Variants in MRC1 observed in about 807,000 individuals in gnomAD.
MRC1 encodes the protein mannose receptor C-type 1.
MRC1 carries 62 observed loss-of-function variants against 102.9 expected under a neutral mutation model. That is an observed-to-expected ratio of 0.60 (90% CI 0.49 to 0.74). The LOEUF (loss-of-function observed/expected upper bound fraction) is 0.74, where lower values mean the gene tolerates loss of function less well. Among genes scored for constraint, MRC1 ranks in the 30% least tolerant of loss-of-function variants. The pLI is 0.00. For synonymous variants in MRC1, 457 were observed against 298.4 expected (o/e 1.53, Z -5.48); for missense variants, 1,237 against 862.8 (o/e 1.43, Z -5.43).
chr10:17,837,184 C>T (rs1838679260), intron 4 of MRC1, among the ~76,000 whole-genome samples: 2 of 152,232 alleles, frequency 1.3e-5, no homozygotes, highest in African/African-American at 4.8e-5. Context: ...CCAGGAGATC[C>T]AGAGGCTGGG....
At chr10:17,830,967 C>T (rs1036291220) in intron 3 of MRC1, among the ~76,000 whole-genome samples, 46 of 151,018 alleles carry the variant, frequency 3.0e-4, no homozygotes, top group Non-Finnish European at 5.6e-4. Context: ...CGGCTCACTG[C>T]AACCTCTGCC....
intron 1 of MRC1, among the ~76,000 whole-genome samples, chr10:17,812,783 G>C (rs918407534): frequency 5.9e-5 from 9 of 151,998 alleles, no homozygotes; most frequent in Non-Finnish European, 1.3e-4. Flanking sequence ...ATGTTGGCCA[G>C]GCTGGTCTTG....
intron 1 of MRC1, among the ~76,000 whole-genome samples, chr10:17,820,232 C>G (rs1193728550): frequency 2.6e-5 from 4 of 152,140 alleles, no homozygotes; most frequent in Non-Finnish European, 5.9e-5. Flanking sequence ...AAATTAACCA[C>G]TGCAGTGTAT....
chr10:17,834,575 G>T (rs1838634465), intron 4 of MRC1, among the ~76,000 whole-genome samples: 1 of 152,218 alleles, frequency 6.6e-6, no homozygotes, highest in Non-Finnish European at 1.5e-5. Flanking sequence ...ACCATGCCCA[G>T]CTAATTTTTT....
chr10:17,878,108 G>T (rs3736955), intron 18 of MRC1, 141 bp downstream of exon 18: 10 of 617,060 alleles, frequency 1.6e-5, no homozygotes, highest in Non-Finnish European at 2.9e-5. Context: ...CTTGAAAAAA[G>T]GAATTTAAAA....
intron 3 of MRC1, among the ~76,000 whole-genome samples, chr10:17,832,111 C>A (rs1838583313): frequency 6.6e-6 from 1 of 151,608 alleles, no homozygotes; most frequent in South Asian, 2.1e-4. Context: ...CAGGCCCAGG[C>A]CAGTCTGTCT....
At chr10:17,840,982 A>C (rs1838741245) in intron 5 of MRC1, among the ~76,000 whole-genome samples, 176 bp downstream of exon 5, 1 of 152,208 alleles carries the variant, frequency 6.6e-6, no homozygotes, top group African/African-American at 2.4e-5. Flanking sequence ...CTGAATTGTA[A>C]GGTTATACCA....
Position 17,849,780 on chromosome 10 carries a change from G to A in MRC1, c.1249+16G>A. 1.3e-6 allele frequency: 1 copy of A among 777,902 alleles called. No individual in the cohort carries two copies. Among genetic ancestry groups the A allele is most frequent in the Admixed American group, 1.7e-5 (1 of 58,844 alleles). 48.2% of individuals were successfully genotyped at this position (777,902 alleles called of 1,614,324 possible). A position where few individuals can be genotyped will look rare whatever the true frequency, so the allele number is the denominator to read the frequency against. ...CTAGGATATGGTGAGAAACTTGACA[G>A]TGATAATATACTTGGCTTTAATCCT... On this transcript the variant is annotated intron_variant, in intron 7 of 29. Transcript: ENST00000569591.
At chr10:17,897,684 A>G (rs1420399027) in intron 23 of MRC1, among the ~76,000 whole-genome samples, 1 of 152,216 alleles carries the variant, frequency 6.6e-6, no homozygotes, top group Non-Finnish European at 1.5e-5. Context: ...GCAATGACAC[A>G]ATCATCTATG....
intron 1 of MRC1, among the ~76,000 whole-genome samples, chr10:17,817,866 G>A (rs1161493829): frequency 1.3e-5 from 2 of 152,170 alleles, no homozygotes; most frequent in Admixed American, 6.6e-5. Flanking sequence ...TCTTGAATAC[G>A]CCTTCAGAGG....
At chr10:17,857,328 C>G (rs898443042) in intron 9 of MRC1, among the ~76,000 whole-genome samples, 4,296 of 152,298 alleles carry the variant, frequency 0.028, 119 homozygotes, top group African/African-American at 0.07. Flanking sequence ...TCCTTTGTTT[C>G]AGTTCCAGCA....
intron 4 of MRC1, among the ~76,000 whole-genome samples, chr10:17,834,272 A>G (rs1838626860): frequency 6.6e-6 from 1 of 152,208 alleles, no homozygotes; most frequent in Non-Finnish European, 1.5e-5. Context: ...GAGACAAGTC[A>G]GAGGCTGTTT....
At chr10:17,894,394 C>CTTTTTTTTTTTT (rs34625338) in intron 23 of MRC1, 82 bp downstream of exon 23, 62 of 406,238 alleles carry the variant, frequency 1.5e-4, no homozygotes, top group African/African-American at 5.2e-4. Context: ...TTCTTTCTTT[C>CTTTTTTTTTTTT]TTTTTTTTTT....
At chr10:17,886,385 TC>T (rs1311554212) in intron 22 of MRC1, among the ~76,000 whole-genome samples, 5 of 150,768 alleles carry the variant, frequency 3.3e-5, no homozygotes, top group Middle Eastern at 3.4e-3. Flanking sequence ...TCTTTCACTG[TC>T]CCTTTCCCTC....
At chr10:17,887,112 A>G (rs1833608376) in intron 22 of MRC1, among the ~76,000 whole-genome samples, 2 of 152,174 alleles carry the variant, frequency 1.3e-5, no homozygotes, top group South Asian at 2.1e-4. Context: ...TGAAGTAGCC[A>G]TTCTTTTCTT....
At chr10:17,905,588 A>C (rs1172145225) in intron 26 of MRC1, among the ~76,000 whole-genome samples, 1 of 151,472 alleles carries the variant, frequency 6.6e-6, no homozygotes, top group Non-Finnish European at 1.5e-5. Flanking sequence ...TTTCTGGTAA[A>C]TAAAATGAAT....
intron 15 of MRC1, among the ~76,000 whole-genome samples, chr10:17,872,673 A>T (rs1458042379): frequency 6.6e-6 from 1 of 152,140 alleles, no homozygotes; most frequent in African/African-American, 2.4e-5. Context: ...CTCTGATGCT[A>T]TTAGCCAAAC....
chr10:17,814,765 A>G (rs1838285104), intron 1 of MRC1, among the ~76,000 whole-genome samples: 1 of 139,850 alleles, frequency 7.2e-6, no homozygotes, highest in Non-Finnish European at 1.5e-5. Context: ...GGCTCACCGC[A>G]ACCTCTGCTT....
In MRC1 at chr10:17,853,011, C is replaced by G. The variant is rs1389472918; in HGVS notation, c.1294C>G (p.Gln432Glu). 8 of 780,656 alleles carry G rather than the reference C, an allele frequency of 1.0e-5. No homozygotes were observed. The highest frequency in any genetic ancestry group is 1.9e-5 in the Non-Finnish European group (8 of 417,968). The allele number at this position is 780,656 out of a possible 1,614,324, so 48.4% of individuals were successfully genotyped here. A position where few individuals can be genotyped will look rare whatever the true frequency, so the allele number is the denominator to read the frequency against. Residue 432 changes from glutamine (Q) to glutamate (E), a missense_variant, in exon 8 of 30, where the codon CAA (glutamine) becomes GAA (glutamate). Transcript: ENST00000569591. ...GATCGGCTTAAATGACATTAAGATTCAAATGTACTTTGAGTGGAGTGATGG... is the reference window on the plus strand; with the variant it reads ...GATCGGCTTAAATGACATTAAGATTGAAATGTACTTTGAGTGGAGTGATGG... ...LWIGLNDIKI[Q>E]MYFEWSDGTP... is the part of the protein sequence containing the mutation.
Sources: gnomAD v4.1 joint callset for allele counts (sites outside exome capture counted in the v4.1 genomes callset) on GRCh38, gnomAD v4.1.1 for gene constraint, MANE v1.5 for transcripts, NCBI Gene and HGNC (gene_info 2026-07-23, HGNC 2026-07-21) for gene names.